Variants in PDE7B observed in about 807,000 individuals in gnomAD.
The protein encoded by PDE7B is phosphodiesterase 7B.
In PDE7B, 29 loss-of-function variants were observed where a neutral mutation model predicts 56.2. That is an observed-to-expected ratio of 0.52 (90% CI 0.38 to 0.70). The LOEUF (loss-of-function observed/expected upper bound fraction) is 0.70, where lower values mean the gene tolerates loss of function less well. Ranked by LOEUF, PDE7B falls within the 30% of genes least tolerant of loss-of-function variation. The pLI, the probability that PDE7B is intolerant of heterozygous loss-of-function variation, is 0.00. For missense variants in PDE7B, 490 were observed against 565.0 expected, an observed-to-expected ratio of 0.87 and a Z score of 1.35; for synonymous variants, 197 against 196.9, an observed-to-expected ratio of 1.00 and a Z score of 0.00.
intron 8 of PDE7B, among the ~76,000 whole-genome samples, chr6:136,162,974 C>A (rs1391508614): frequency 2.0e-5 from 3 of 152,196 alleles, no homozygotes; most frequent in Non-Finnish European, 4.4e-5. Flanking sequence ...CCCTTCCCAG[C>A]TGCTTTCATG....
intron 11 of PDE7B, among the ~76,000 whole-genome samples, chr6:136,181,775 T>A (rs1223581777): frequency 2.7e-5 from 4 of 148,256 alleles, no homozygotes; most frequent in Admixed American, 6.6e-5. Flanking sequence ...AAAAAAAAAA[T>A]AATGAAATTG....
At chr6:135,906,810 GTTTTTTTTTTTT>G (rs869049424) in intron 1 of PDE7B, among the ~76,000 whole-genome samples, 3 of 59,506 alleles carry the variant, frequency 5.0e-5, no homozygotes, top group Non-Finnish European at 9.0e-5. Flanking sequence ...AATGAGGTTT[GTTTTTTTTTTTT>G]TTTTTTTTTT....
chr6:135,916,823 C>A (rs1028994550), intron 1 of PDE7B, among the ~76,000 whole-genome samples: 2 of 151,880 alleles, frequency 1.3e-5, no homozygotes, highest in African/African-American at 4.8e-5. Context: ...TCTTCCTATC[C>A]ATGGCTTGAG....
intron 10 of PDE7B, 109 bp from the exon 11 acceptor site, chr6:136,181,118 C>G: frequency 1.3e-6 from 1 of 756,876 alleles, no homozygotes; most frequent in Admixed American, 1.8e-5. Flanking sequence ...TAAATATGGG[C>G]CTGGTACTGT....
At chr6:136,040,922 G>T (rs569334337) in intron 2 of PDE7B, among the ~76,000 whole-genome samples, 2 of 152,128 alleles carry the variant, frequency 1.3e-5, no homozygotes, top group South Asian at 2.1e-4. Flanking sequence ...GTCTCCCCCA[G>T]TGGTAATCTA....
intron 6 of PDE7B, among the ~76,000 whole-genome samples, chr6:136,153,563 C>T (rs760653344): frequency 2.0e-5 from 3 of 152,156 alleles, no homozygotes; most frequent in Non-Finnish European, 4.4e-5. Flanking sequence ...TGGATCAAGG[C>T]AATACCCTGA....
intron 1 of PDE7B, among the ~76,000 whole-genome samples, chr6:135,890,923 CA>C (rs1334365889): frequency 1.6e-4 from 25 of 152,084 alleles, no homozygotes; most frequent in East Asian, 1.4e-3. Context: ...TATTTTCGAA[CA>C]GTTAACTGTA....
intron 2 of PDE7B, among the ~76,000 whole-genome samples, chr6:136,076,218 C>T (rs1244717173): frequency 1.3e-5 from 2 of 152,150 alleles, no homozygotes; most frequent in African/African-American, 4.8e-5. Context: ...TGCCTGTAAT[C>T]CCAGCACTTT....
At chr6:135,868,985 ATATAT>A (rs963730874) in intron 1 of PDE7B, among the ~76,000 whole-genome samples, 9 of 152,180 alleles carry the variant, frequency 5.9e-5, no homozygotes, top group Admixed American at 1.3e-4. Context: ...ATAAATATAC[ATATAT>A]TATATCAAGC....
chr6:135,900,047 G>T (rs1291616045), intron 1 of PDE7B, among the ~76,000 whole-genome samples: 1 of 152,026 alleles, frequency 6.6e-6, no homozygotes, highest in African/African-American at 2.4e-5. Context: ...TAAACAAACT[G>T]TCTAAAGTTA....
chr6:135,978,698 T>C (rs751583267), intron 2 of PDE7B, among the ~76,000 whole-genome samples: 7 of 152,160 alleles, frequency 4.6e-5, no homozygotes, highest in African/African-American at 9.7e-5. Context: ...CTTTTGAAAC[T>C]TGTGTTAAAA....
At chr6:135,890,730 A>G (rs1372203208) in intron 1 of PDE7B, among the ~76,000 whole-genome samples, 3 of 152,208 alleles carry the variant, frequency 2.0e-5, no homozygotes, top group African/African-American at 7.2e-5. Flanking sequence ...CACTAAGTTT[A>G]GGAAAGCAAA....
chr6:135,901,741 T>G (rs1192653129), intron 1 of PDE7B, among the ~76,000 whole-genome samples: 1 of 152,222 alleles, frequency 6.6e-6, no homozygotes, highest in Non-Finnish European at 1.5e-5. Context: ...GCTTATTTAC[T>G]GTACTTACAG....
At chr6:135,936,326 T>C (rs1774419716) in intron 1 of PDE7B, among the ~76,000 whole-genome samples, 1 of 152,158 alleles carries the variant, frequency 6.6e-6, no homozygotes, top group Non-Finnish European at 1.5e-5. Flanking sequence ...TCTGGAGATA[T>C]TGCTGATATT....
At chr6:136,050,895 TCTC>T (rs548827935) in intron 2 of PDE7B, among the ~76,000 whole-genome samples, 4 of 151,790 alleles carry the variant, frequency 2.6e-5, no homozygotes, top group Non-Finnish European at 4.4e-5. Context: ...TCTGAAACTT[TCTC>T]CTCCTCCTCC....
intron 1 of PDE7B, among the ~76,000 whole-genome samples, chr6:135,910,816 C>CT (rs1349901672): frequency 5.9e-5 from 9 of 152,072 alleles, no homozygotes; most frequent in Non-Finnish European, 1.0e-4. Context: ...AATTTTTAAA[C>CT]TTTTTTTATT....
At chr6:136,172,554 GTT>G in intron 8 of PDE7B, among the ~76,000 whole-genome samples, 1 of 152,110 alleles carries the variant, frequency 6.6e-6, no homozygotes, top group East Asian at 1.9e-4. Flanking sequence ...AGATGAGTAG[GTT>G]TTGAAAATTT....
At chr6:135,949,263 G>A (rs1433671429) in intron 2 of PDE7B, among the ~76,000 whole-genome samples, 1 of 151,952 alleles carries the variant, frequency 6.6e-6, no homozygotes, top group Non-Finnish European at 1.5e-5. Flanking sequence ...GAATGTTTCT[G>A]TGTCCTGTCT....
chr6:135,892,465 G>A (rs1775825956), intron 1 of PDE7B, among the ~76,000 whole-genome samples: 2 of 152,048 alleles, frequency 1.3e-5, no homozygotes, highest in Admixed American at 1.3e-4. Flanking sequence ...TGATTTCTAA[G>A]GTCCTATAAT....
Sources: gnomAD v4.1 joint callset for allele counts (sites outside exome capture counted in the v4.1 genomes callset) on GRCh38, gnomAD v4.1.1 for gene constraint, MANE v1.5 for transcripts, NCBI Gene and HGNC (gene_info 2026-07-23, HGNC 2026-07-21) for gene names.